KIFC3: variants seen among roughly 807,000 people sequenced by gnomAD.
The protein encoded by KIFC3 is kinesin-like protein KIFC3.
In KIFC3, 60 loss-of-function variants were observed where a neutral mutation model predicts 101.8. The ratio of observed to expected loss-of-function variants is 0.59; its 90% CI spans 0.48 to 0.73. KIFC3 has a LOEUF of 0.73. Among genes scored for constraint, KIFC3 ranks in the 30% least tolerant of loss-of-function variants. KIFC3 has a pLI of 0.00. For synonymous variants in KIFC3, 476 were observed against 482.7 expected, an observed-to-expected ratio of 0.99 and a Z score of 0.18; for missense variants, 966 against 1,137.1, an observed-to-expected ratio of 0.85 and a Z score of 2.16.
intron 9 of KIFC3, among the ~76,000 whole-genome samples, chr16:57,768,494 G>A (rs1160237371): frequency 1.9e-5 from 1 of 52,330 alleles, no homozygotes; most frequent in Non-Finnish European, 4.7e-5. Flanking sequence ...TGGGGGAAGG[G>A]CCTACCATAT....
chr16:57,861,769 C>CA, intron 1 of KIFC3, among the ~76,000 whole-genome samples: 2 of 152,092 alleles, frequency 1.3e-5, no homozygotes, highest in East Asian at 1.9e-4. Context: ...ACCAGCCTAA[C>CA]AAAACCCTGT....
chr16:57,799,253 G>A (rs2054570942), intron 1 of KIFC3, among the ~76,000 whole-genome samples: 1 of 152,234 alleles, frequency 6.6e-6, no homozygotes, highest in Non-Finnish European at 1.5e-5. Flanking sequence ...GACATTTAAG[G>A]TGATCATGCT....
intron 14 of KIFC3, 117 bp from the exon 15 acceptor site, chr16:57,761,288 G>T: frequency 6.3e-7 from 1 of 1,577,792 alleles, no homozygotes. Context: ...TGAGGAAACT[G>T]AGGCTCAGAG....
intron 18 of KIFC3, 132 bp from the exon 19 acceptor site, chr16:57,759,285 TG>T: frequency 9.1e-7 from 1 of 1,099,216 alleles, no homozygotes. Context: ...AAACAGGGGC[TG>T]GAGCCCTGGG....
intron 1 of KIFC3, among the ~76,000 whole-genome samples, chr16:57,849,389 T>G (rs1370367704): frequency 6.6e-6 from 1 of 152,184 alleles, no homozygotes; most frequent in Non-Finnish European, 1.5e-5. Flanking sequence ...TGAGACAAAC[T>G]GCTGTGTGTG....
chr16:57,772,161 G>A, intron 4 of KIFC3, 62 bp downstream of exon 4: 6 of 1,452,630 alleles, frequency 4.1e-6, no homozygotes, highest in Non-Finnish European at 4.8e-6. Context: ...GCCCCTGGCA[G>A]GGCCCATCTG....
At chr16:57,827,420 C>G (rs1179134285) in intron 1 of KIFC3, among the ~76,000 whole-genome samples, 3 of 152,242 alleles carry the variant, frequency 2.0e-5, no homozygotes, top group Non-Finnish European at 4.4e-5. Context: ...ACAAGGTTCA[C>G]CCAGGGCAGT....
chr16:57,835,583 A>G (rs565514509), intron 1 of KIFC3, among the ~76,000 whole-genome samples: 1 of 152,338 alleles, frequency 6.6e-6, no homozygotes, highest in East Asian at 1.9e-4. Context: ...GCCCTGTTTC[A>G]TAGACTAGGA....
chr16:57,780,073 T>C (rs142182099), intron 3 of KIFC3: 1 of 152,294 alleles, frequency 6.6e-6, no homozygotes, highest in Non-Finnish European at 1.5e-5. Flanking sequence ...CATGATCCGT[T>C]CACCTCTCAC....
intron 11 of KIFC3, 28 bp from the exon 12 acceptor site, chr16:57,764,275 T>TGGGGGG: frequency 1.9e-6 from 1 of 539,934 alleles, no homozygotes; most frequent in Non-Finnish European, 3.5e-6. Context: ...GGGAGGCTGG[T>TGGGGGG]GGGGGGGCTT....
At chr16:57,810,652 T>G (rs2149257908) in intron 1 of KIFC3, 1 of 985,564 alleles carries the variant, frequency 1.0e-6, no homozygotes, top group East Asian at 1.1e-4. Context: ...GGGCCCTGAA[T>G]GCCAGGACGG....
intron 3 of KIFC3, among the ~76,000 whole-genome samples, chr16:57,786,600 G>C (rs2053351410): frequency 6.6e-6 from 1 of 152,178 alleles, no homozygotes; most frequent in Non-Finnish European, 1.5e-5. Flanking sequence ...GAGTGTGGCA[G>C]AGTGAAGGGT....
intron 6 of KIFC3, 77 bp downstream of exon 6, chr16:57,771,121 C>T (rs1362359820): frequency 8.4e-6 from 13 of 1,555,658 alleles, no homozygotes; most frequent in South Asian, 5.9e-5. Flanking sequence ...CCAGGACAAG[C>T]CCCCCTTATG....
chr16:57,798,581 A>G, intron 1 of KIFC3: 1 of 502,574 alleles, frequency 2.0e-6, no homozygotes, highest in African/African-American at 2.0e-5. Context: ...CCTGAGGACA[A>G]GCCAGGTCCT....
chr16:57,856,389 G>T (rs2056167834), intron 1 of KIFC3, among the ~76,000 whole-genome samples: 1 of 147,590 alleles, frequency 6.8e-6, no homozygotes, highest in Non-Finnish European at 1.5e-5. Context: ...GGTGAGGTGT[G>T]ATGATCGCTT....
chr16:57,795,910 T>TTGAGACAGGGCCTC (rs2054282250), intron 2 of KIFC3, among the ~76,000 whole-genome samples: 1 of 142,968 alleles, frequency 7.0e-6, no homozygotes, highest in African/African-American at 2.6e-5. Context: ...TTTTTTTTTT[T>TTGAGACAGGGCCTC]TGAGACAGGG....
intron 9 of KIFC3, among the ~76,000 whole-genome samples, chr16:57,768,232 G>A (rs2050708114): frequency 6.6e-6 from 1 of 152,064 alleles, no homozygotes; most frequent in Admixed American, 6.5e-5. Context: ...TGTAATCCCA[G>A]CTATCCAGGA....
intron 18 of KIFC3, 197 bp downstream of exon 18, chr16:57,759,531 T>C: frequency 1.7e-6 from 1 of 581,780 alleles, no homozygotes; most frequent in Non-Finnish European, 3.0e-6. Flanking sequence ...GACCTTCCAT[T>C]TCCCACCTGC....
rs1555595129 is a variant in KIFC3, at chr16:57,760,395, T to C, written c.2254A>G (p.Thr752Ala). 1 of 1,613,828 alleles carries C rather than the reference T, an allele frequency of 6.2e-7. No homozygotes were observed. The highest frequency in any genetic ancestry group is 2.2e-5 in the East Asian group (1 of 44,882). ...TTGAGGGAATAGAGCGTCTCGCTAG[T>C]GTTCTTCTCCACGGGGGACACCTAG... ...VVQVSPVEKN[T>A]SETLYSLKFA... Residue 752 changes from threonine to alanine, a missense_variant, in exon 17 of 20, where the codon ACT becomes GCT. By Grantham distance (58) the Thr-to-Ala change is moderately conservative. Coordinates refer to ENST00000445690, the MANE Select transcript of KIFC3 (RefSeq NM_001130100.2).
Sources: gnomAD v4.1 joint callset for allele counts (sites outside exome capture counted in the v4.1 genomes callset) on GRCh38, gnomAD v4.1.1 for gene constraint, MANE v1.5 for transcripts, NCBI Gene and HGNC (gene_info 2026-07-23, HGNC 2026-07-21) for gene names.